The following HAUS7 variants were observed in gnomAD, a reference collection of about 807,000 sequenced individuals.
The protein encoded by HAUS7 is HAUS augmin-like complex subunit 7.
A neutral mutation model predicts 28.4 loss-of-function variants in HAUS7; 3 were observed. The ratio of observed to expected loss-of-function variants is 0.11; its 90% CI spans 0.05 to 0.27. The LOEUF is 0.27. HAUS7 is among the 10% of genes least tolerant of loss of function. HAUS7 has a pLI of 1.00. For synonymous variants in HAUS7, 165 were observed against 132.1 expected (o/e 1.25, Z -1.71); for missense variants, 284 against 297.3 (o/e 0.96, Z 0.33).
chrX:153,466,855 A>G (rs2089461119), intron 2 of HAUS7, among the ~76,000 whole-genome samples: 1 of 112,422 alleles, frequency 8.9e-6, no homozygotes, highest in African/African-American at 3.2e-5. Flanking sequence ...TGCTCACTGG[A>G]GCATTTGAGA....
At chrX:153,454,676 G>A (rs1268277808) in intron 8 of HAUS7, 168 bp from the exon 9 acceptor site, 4 of 473,388 alleles carry the variant, frequency 8.4e-6, no homozygotes, top group African/African-American at 7.2e-5. Context: ...CTCCCAGCGG[G>A]GAAGTCACCA....
chrX:153,484,482 C>T (rs951009105), intron 1 of HAUS7, among the ~76,000 whole-genome samples: 1 of 108,602 alleles, frequency 9.2e-6, no homozygotes, highest in Non-Finnish European at 1.9e-5. Flanking sequence ...AGTCAGGACA[C>T]GGTCCTGGGA....
intron 1 of HAUS7, among the ~76,000 whole-genome samples, chrX:153,483,600 G>A (rs957778791): frequency 8.9e-6 from 1 of 112,130 alleles, no homozygotes; most frequent in Non-Finnish European, 1.9e-5. Flanking sequence ...GGCTCCAGGG[G>A]AGGACTTGTT....
At chrX:153,469,826 C>T (rs2089497832) in intron 1 of HAUS7, among the ~76,000 whole-genome samples, 1 of 110,846 alleles carries the variant, frequency 9.0e-6, no homozygotes. Flanking sequence ...AAGAGAGAGT[C>T]CTAGGTTTCG....
In HAUS7 at chrX:153,492,321, G is replaced by C. The variant is rs1477597026; in HGVS notation, c.-589+3053C>G. The stretch of plus-strand genomic sequence containing the variant: ...CCCAGGCCTGAGGAGGGGGGAGTGG[G>C]AGGGGGAGCAGAAGGGGGAGGCCCT... On this transcript the variant is annotated intron_variant, in intron 1 of 5. Transcript: ENST00000370210. Among the ~76,000 whole-genome samples, 3 of 112,335 alleles carry C rather than the reference G, an allele frequency of 2.7e-5. No homozygotes were observed. The East Asian group carries it at 8.5e-4, about 32-fold the overall frequency.
chrX:153,467,965 G>A (rs1470720888), intron 2 of HAUS7, among the ~76,000 whole-genome samples: 1 of 112,349 alleles, frequency 8.9e-6, no homozygotes, highest in Non-Finnish European at 1.9e-5. Context: ...ACAGGAGGAC[G>A]TACGACATGC....
intron 6 of HAUS7, 44 bp downstream of exon 6, chrX:153,456,449 C>T: frequency 8.5e-7 from 1 of 1,177,042 alleles, no homozygotes; most frequent in Non-Finnish European, 1.1e-6. Context: ...GGGGCTGGGA[C>T]AGGAGGCCAG....
At chrX:153,474,861 G>C (rs2089552370), upstream of HAUS7, among the ~76,000 whole-genome samples, 1 of 111,673 alleles carries the variant, frequency 9.0e-6, no homozygotes, top group South Asian at 3.6e-4. Context: ...CAAAGGAAAC[G>C]GCGGCGGGCG....
At chrX:153,448,047 A>G in intron 9 of HAUS7, 138 bp from the exon 10 acceptor site, 1 of 496,961 alleles carries the variant, frequency 2.0e-6, no homozygotes, top group Non-Finnish European at 3.5e-6. Flanking sequence ...TACTGGGTAT[A>G]TACCCAAAGG....
intron 9 of HAUS7, among the ~76,000 whole-genome samples, chrX:153,449,436 G>A (rs1300851373): frequency 8.9e-6 from 1 of 112,502 alleles, no homozygotes; most frequent in Non-Finnish European, 1.9e-5. Context: ...GCCGCAATGC[G>A]CACTGCTCTA....
chrX:153,454,511 GGGGAGGGAGGGAGGGAGGGA>G lies in HAUS7; in HGVS notation c.931-23_931-4del, dbSNP rs371637396. On this transcript the variant is annotated splice_region_variant and splice_polypyrimidine_tract_variant and intron_variant, in intron 8 of 9. Transcript: ENST00000370211. ...ACTGCCATGACCACTTGCAGCAGCT[GGGGAGGGAGGGAGGGAGGGA>G]GGGAGGGAGGGAGGGAGCGAGCAGG... 3.9e-5 allele frequency: 22 copies of G among 569,156 alleles called. No homozygotes were observed. The highest frequency in any genetic ancestry group is 2.6e-4 in the African/African-American group (9 of 34,085). The allele number at this position is 569,156 out of a possible 1,213,427, so 46.9% of individuals were successfully genotyped here.
chrX:153,458,223 C>G (rs1475815331), intron 4 of HAUS7, among the ~76,000 whole-genome samples: 2 of 113,251 alleles, frequency 1.8e-5, no homozygotes, highest in Admixed American at 1.9e-4. Flanking sequence ...TTCAGGAGCA[C>G]AGGTGCGAGA....
At chrX:153,479,227 G>T (rs1029387240) in intron 1 of HAUS7, 2 of 473,707 alleles carry the variant, frequency 4.2e-6, no homozygotes, top group African/African-American at 5.3e-5. Context: ...GGCCACCACC[G>T]TGCCTCTCCC....
upstream of HAUS7, among the ~76,000 whole-genome samples, chrX:153,474,671 G>A (rs2089550066): frequency 1.9e-5 from 2 of 102,792 alleles, no homozygotes; most frequent in African/African-American, 6.9e-5. Flanking sequence ...TTCTGCCCTC[G>A]AACTGCCTGT....
intron 3 of HAUS7, among the ~76,000 whole-genome samples, chrX:153,463,447 A>G (rs1349122635): frequency 9.0e-6 from 1 of 111,096 alleles, no homozygotes; most frequent in African/African-American, 3.3e-5. Flanking sequence ...AACTCTATAA[A>G]TCCAGATCTG....
chrX:153,454,974 T>C, intron 8 of HAUS7: 1 of 1,021,535 alleles, frequency 9.8e-7, no homozygotes, highest in African/African-American at 1.9e-5. Flanking sequence ...ACGGAATCCT[T>C]GAGCCAAGGG....
At chrX:153,485,966 G>A (rs912191394) in intron 1 of HAUS7, 11 of 978,170 alleles carry the variant, frequency 1.1e-5, no homozygotes, top group African/African-American at 2.0e-5. Context: ...CATCCACAGC[G>A]TGTCCTTCCT....
At chrX:153,468,269 C>T (rs2124139925) in intron 2 of HAUS7, among the ~76,000 whole-genome samples, 1 of 112,462 alleles carries the variant, frequency 8.9e-6, no homozygotes, top group Admixed American at 9.3e-5. Flanking sequence ...GCCCAGGCCC[C>T]TTCCTCAAGC....
Position 153,453,381 on chromosome X carries a change from A to G in HAUS7, c.1045+1013T>C, listed in dbSNP as rs1215245005. ...GGTTACACAACTCTGTGAATATCCT[A>G]AAGACCATGAAATTGTACACTTTTA... is the stretch of plus-strand genomic sequence containing the variant. On this transcript the variant is annotated intron_variant, in intron 9 of 9. Coordinates refer to ENST00000370211, the MANE Select transcript of HAUS7 (RefSeq NM_001385482.1). 1.4e-4 allele frequency among the ~76,000 whole-genome samples: 16 copies of G among 112,150 alleles called. No individual in the cohort carries two copies. In the Admixed American group the frequency reaches 1.5e-3, roughly 11 times the overall value.
Sources: gnomAD v4.1 joint callset for allele counts (sites outside exome capture counted in the v4.1 genomes callset) on GRCh38, gnomAD v4.1.1 for gene constraint, MANE v1.5 for transcripts, NCBI Gene and HGNC (gene_info 2026-07-23, HGNC 2026-07-21) for gene names.